Variants in THRB observed in about 807,000 individuals in gnomAD.
THRB encodes the protein nuclear receptor subfamily 1 group A member 2.
In THRB, 12 loss-of-function variants were observed where a neutral mutation model predicts 47.8. The observed-to-expected ratio is 0.25, with a 90% CI of 0.16 to 0.41. THRB has a LOEUF of 0.41. THRB is among the 10% of genes least tolerant of loss of function. THRB has a pLI of 1.00. For missense variants in THRB, 348 were observed against 589.2 expected, an observed-to-expected ratio of 0.59 and a Z score of 4.24; for synonymous variants, 218 against 212.2, an observed-to-expected ratio of 1.03 and a Z score of -0.24.
chr3:24,151,757 G>C (rs2036976969), intron 6 of THRB, among the ~76,000 whole-genome samples: 1 of 152,208 alleles, frequency 6.6e-6, no homozygotes, highest in Middle Eastern at 3.2e-3. Context: ...GAAGTGAATG[G>C]ACTGATCACT....
At position 24,190,136 on chromosome 3, in the gene THRB, T is replaced by C; in HGVS notation, c.221A>G (p.Asp74Gly). Residue 74 changes from aspartate (D) to glycine (G), a missense_variant, in exon 5 of 11, where the codon GAT (aspartate) becomes GGT (glycine). Asp to Gly is a moderately conservative substitution (Grantham distance 94). Transcript: ENST00000646209. ...ACTTGAGACACTCTGGTCGTTCACA[T>C]CATCATGGTCCAGATGGAATATTGA... ...TSSIFHLDHD[D>G]VNDQSVSSAQ... 1.2e-6 allele frequency: 2 copies of C among 1,614,088 alleles called. No individual in the cohort carries two copies. Among genetic ancestry groups the C allele is most frequent in the Non-Finnish European group, 1.7e-6 (2 of 1,179,938 alleles).
chr3:24,406,688 A>T lies in THRB; in HGVS notation c.-260-69317T>A, dbSNP rs527427067. Among the ~76,000 whole-genome samples, 296 of 151,992 alleles carry T rather than the reference A, an allele frequency of 1.9e-3. 2 individuals carry two copies. The highest frequency in any genetic ancestry group is 6.2e-3 in the African/African-American group (256 of 41,538). Reference sequence around the variant, plus strand: ...TAGTTTAGAGCTGTTAAGATGATATACTTAGGCAAATTATAAATAACAAAG... The same window carrying T: ...TAGTTTAGAGCTGTTAAGATGATATTCTTAGGCAAATTATAAATAACAAAG... On this transcript the variant is annotated intron_variant, in intron 1 of 10. Transcript: ENST00000646209.
intron 3 of THRB, among the ~76,000 whole-genome samples, chr3:24,295,326 T>C (rs1490875856): frequency 2.6e-5 from 4 of 152,222 alleles, no homozygotes; most frequent in Admixed American, 2.6e-4. Context: ...ACATTTTTCT[T>C]TGGGGACTAT....
At chr3:24,405,537 A>C (rs2067751940) in intron 1 of THRB, among the ~76,000 whole-genome samples, 1 of 151,920 alleles carries the variant, frequency 6.6e-6, no homozygotes, top group African/African-American at 2.4e-5. Flanking sequence ...TATATATTTA[A>C]AAATTATGTC....
chr3:24,162,700 A>AAAAC (rs1410313878), intron 5 of THRB, among the ~76,000 whole-genome samples: 1 of 151,836 alleles, frequency 6.6e-6, no homozygotes, highest in African/African-American at 2.4e-5. Context: ...AAAAAAAAAA[A>AAAAC]AACTTTGTAG....
chr3:24,423,709 T>A (rs1308685146), intron 1 of THRB, among the ~76,000 whole-genome samples: 1 of 151,920 alleles, frequency 6.6e-6, no homozygotes, highest in Non-Finnish European at 1.5e-5. Context: ...GTGTACTATA[T>A]CTGGTGTAAC....
intron 1 of THRB, among the ~76,000 whole-genome samples, chr3:24,339,795 TTCATGGC>T (rs2062509614): frequency 6.6e-6 from 1 of 152,210 alleles, no homozygotes; most frequent in Non-Finnish European, 1.5e-5. Context: ...TGTGAATTTC[TTCATGGC>T]TCAAAGGAGA....
At position 24,418,349 on chromosome 3, in the gene THRB, G is replaced by T. The variant is rs561454596; in HGVS notation, c.-261+76303C>A. On this transcript the variant is annotated intron_variant, in intron 1 of 10. Coordinates refer to ENST00000646209, the MANE Select transcript of THRB (RefSeq NM_001354712.2). ...AAAGACTTTTTTTTTTTGTCCTTAA[G>T]CTTGGTTTATCTAGGTCCCAAGTTT... Among the ~76,000 whole-genome samples the T allele has an allele frequency of 4.7e-5, 7 of 149,710 alleles. No homozygotes were observed. In the East Asian group the frequency reaches 1.4e-3, roughly 30 times the overall value.
intron 3 of THRB, among the ~76,000 whole-genome samples, chr3:24,284,186 C>G (rs1158794427): frequency 1.3e-5 from 2 of 149,946 alleles, no homozygotes; most frequent in Non-Finnish European, 3.0e-5. Flanking sequence ...AACTATACTA[C>G]AAGGCTACAG....
chr3:24,187,589 C>T (rs2042761708), intron 5 of THRB, among the ~76,000 whole-genome samples: 1 of 152,202 alleles, frequency 6.6e-6, no homozygotes, highest in South Asian at 2.1e-4. Context: ...ATCCTGTATA[C>T]AGTAGGCACT....
intron 1 of THRB, among the ~76,000 whole-genome samples, chr3:24,339,120 C>G (rs1009139679): frequency 2.0e-5 from 3 of 151,958 alleles, no homozygotes; most frequent in African/African-American, 7.3e-5. Context: ...TATATAAATA[C>G]AAAACTATAT....
chr3:24,166,573 G>A (rs1465760891), intron 5 of THRB, among the ~76,000 whole-genome samples: 2 of 152,100 alleles, frequency 1.3e-5, no homozygotes, highest in African/African-American at 4.8e-5. Flanking sequence ...GATTACTAAT[G>A]GTATTTTCTC....
intron 1 of THRB, among the ~76,000 whole-genome samples, chr3:24,492,714 T>C (rs1462832310): frequency 6.6e-6 from 1 of 152,236 alleles, no homozygotes; most frequent in African/African-American, 2.4e-5. Flanking sequence ...TCTTAATTCA[T>C]CTCTAATTAT....
chr3:24,440,595 G>C (rs2071431829), intron 1 of THRB, among the ~76,000 whole-genome samples: 1 of 152,172 alleles, frequency 6.6e-6, no homozygotes, highest in Admixed American at 6.5e-5. Context: ...ACCAGGAGCA[G>C]TTTTACAAAT....
intron 8 of THRB, among the ~76,000 whole-genome samples, chr3:24,143,069 A>C (rs1199013444): frequency 6.6e-6 from 1 of 152,202 alleles, no homozygotes; most frequent in Non-Finnish European, 1.5e-5. Context: ...TTGACATAAA[A>C]ATATACTTGA....
intron 4 of THRB, among the ~76,000 whole-genome samples, chr3:24,190,581 T>C (rs1044295930): frequency 5.3e-5 from 8 of 152,184 alleles, no homozygotes; most frequent in African/African-American, 9.7e-5. Context: ...CATTAGTTCC[T>C]GCATGGCAAG....
intron 4 of THRB, among the ~76,000 whole-genome samples, chr3:24,218,340 CTCTT>C (rs1229803738): frequency 8.5e-4 from 100 of 117,284 alleles, no homozygotes; most frequent in Middle Eastern, 4.2e-3. Flanking sequence ...CTCTCTCTCT[CTCTT>C]TTTTTTTTTT....
At chr3:24,239,269 T>C (rs1212017717) in intron 3 of THRB, among the ~76,000 whole-genome samples, 1 of 152,056 alleles carries the variant, frequency 6.6e-6, no homozygotes, top group Non-Finnish European at 1.5e-5. Flanking sequence ...TTAATTCTGC[T>C]TGGTAAAGGT....
chr3:24,410,814 C>T (rs1048040563), intron 1 of THRB, among the ~76,000 whole-genome samples: 1 of 151,776 alleles, frequency 6.6e-6, no homozygotes, highest in Non-Finnish European at 1.5e-5. Flanking sequence ...TGTTAATTCA[C>T]AACAAAATTT....
Sources: allele counts gnomAD v4.1 joint callset (sites outside exome capture counted in the v4.1 genomes callset), GRCh38; gene constraint gnomAD v4.1.1; transcripts MANE v1.5; gene names NCBI Gene and HGNC (gene_info 2026-07-23, HGNC 2026-07-21).